The following RGL1 variants were observed in gnomAD, a reference collection of about 807,000 sequenced individuals.
RGL1 encodes ral guanine nucleotide dissociation stimulator-like 1.
A neutral mutation model predicts 95.2 loss-of-function variants in RGL1; 24 were observed. That is an observed-to-expected ratio of 0.25 (90% CI 0.18 to 0.35). RGL1 has a LOEUF of 0.35. Among genes scored for constraint, RGL1 ranks in the 10% least tolerant of loss-of-function variants. The pLI is 1.00. For missense variants in RGL1, 715 were observed against 936.3 expected (o/e 0.76, Z 3.08); for synonymous variants, 329 against 344.9 (o/e 0.95, Z 0.51).
intron 3 of RGL1, among the ~76,000 whole-genome samples, chr1:183,859,712 C>T (rs1472287154): frequency 6.6e-6 from 1 of 152,152 alleles, no homozygotes; most frequent in Non-Finnish European, 1.5e-5. Flanking sequence ...ATGGAAAGCA[C>T]AGTATAGGGT....
chr1:183,766,094 A>T lies in RGL1; in HGVS notation c.132+23805A>T, dbSNP rs1050302215. On this transcript the variant is annotated intron_variant, in intron 2 of 18. Coordinates refer to the RGL1 transcript ENST00000304685. Reference sequence around the variant, plus strand: ...CTTAAAGTATAATAATAATAAAATTAAAAAAAAAAAAGAAAGTTAAACACC... The same window carrying T: ...CTTAAAGTATAATAATAATAAAATTTAAAAAAAAAAAGAAAGTTAAACACC... Among the ~76,000 whole-genome samples, 36 of 139,676 alleles carry T rather than the reference A, an allele frequency of 2.6e-4. 1 individual carries two copies. Among genetic ancestry groups the T allele is most frequent in the African/African-American group, 6.0e-4 (21 of 34,788 alleles). 91.6% of individuals were successfully genotyped at this position (139,676 alleles called of 152,430 possible).
At chr1:183,739,582 C>G (rs1572352320) in intron 1 of RGL1, among the ~76,000 whole-genome samples, 2 of 152,150 alleles carry the variant, frequency 1.3e-5, no homozygotes, top group East Asian at 3.8e-4. Flanking sequence ...AGTGGAAGCT[C>G]AAGATATATT....
Position 183,820,638 on chromosome 1 carries a change from A to G in RGL1, c.138+14153A>G, listed in dbSNP as rs149634231. On this transcript the variant is annotated intron_variant, in intron 2 of 17. Transcript: ENST00000360851. ...CTAGGCCTGTGCTGTTCAATATGGT[A>G]ACAACTAGCCATATGTGCCTATTGA... 1.2e-3 allele frequency among the ~76,000 whole-genome samples: 190 copies of G among 152,300 alleles called. 1 individual carries two copies. Among genetic ancestry groups the G allele is most frequent in the African/African-American group, 4.5e-3 (187 of 41,568 alleles).
At chr1:183,768,110 C>T (rs943118122) in intron 2 of RGL1, among the ~76,000 whole-genome samples, 4 of 151,806 alleles carry the variant, frequency 2.6e-5, no homozygotes, top group African/African-American at 7.3e-5. Context: ...TCTAAACTTC[C>T]GTCTTCTCTG....
intron 1 of RGL1, among the ~76,000 whole-genome samples, chr1:183,710,738 C>T (rs565615547): frequency 1.3e-5 from 2 of 152,086 alleles, no homozygotes; most frequent in Non-Finnish European, 2.9e-5. Flanking sequence ...ATGAGAACTC[C>T]CTCACTATCA....
chr1:183,880,733 C>T lies in RGL1; in HGVS notation c.543C>T (p.Gly181=). Residue 181 remains glycine, a synonymous_variant, in exon 5 of 18, where the codon GGC becomes GGT. Transcript: ENST00000360851. ...ATTATCTCACACGGATGATGCCGGGCTCTGACCCAGAAAGAAGAGCACAAA... is the reference window on the plus strand; with the variant it reads ...ATTATCTCACACGGATGATGCCGGGTTCTGACCCAGAAAGAAGAGCACAAA... ...LLDYLTRMMP[G]SDPERRAQNL... is the part of the protein sequence containing the mutation. The T allele has an allele frequency of 6.2e-7, 1 of 1,613,936 alleles. No individual in the cohort carries two copies. The highest frequency in any genetic ancestry group is 8.5e-7 in the Non-Finnish European group (1 of 1,179,844).
intron 3 of RGL1, among the ~76,000 whole-genome samples, chr1:183,851,158 A>T (rs977715142): frequency 6.6e-6 from 1 of 152,228 alleles, no homozygotes; most frequent in Non-Finnish European, 1.5e-5. Flanking sequence ...GTCATGTACG[A>T]TATAACTGGA....
chr1:183,706,795 C>T (rs1481714882), intron 1 of RGL1, among the ~76,000 whole-genome samples: 2 of 152,152 alleles, frequency 1.3e-5, no homozygotes, highest in Non-Finnish European at 2.9e-5. Flanking sequence ...TTTCTCATCA[C>T]GATTGTTAAG....
At chr1:183,823,728 C>T (rs889266716) in intron 2 of RGL1, among the ~76,000 whole-genome samples, 1 of 152,166 alleles carries the variant, frequency 6.6e-6, no homozygotes, top group African/African-American at 2.4e-5. Flanking sequence ...AATATCATGT[C>T]TGTAGCATTC....
intron 2 of RGL1, among the ~76,000 whole-genome samples, chr1:183,843,986 G>A (rs1474987047): frequency 2.0e-5 from 3 of 152,042 alleles, no homozygotes; most frequent in Non-Finnish European, 4.4e-5. Flanking sequence ...CACATTACAC[G>A]TGGCTGATTT....
At chr1:183,905,020 A>C in intron 13 of RGL1, 49 bp downstream of exon 13, 1 of 1,584,294 alleles carries the variant, frequency 6.3e-7, no homozygotes, top group Non-Finnish European at 8.6e-7. Context: ...GTTGGCAAGA[A>C]AAATGCTGCA....
chr1:183,704,990 T>C (rs775710816), intron 1 of RGL1, among the ~76,000 whole-genome samples: 32 of 152,082 alleles, frequency 2.1e-4, no homozygotes, highest in Admixed American at 1.0e-3. Context: ...ACATCATTCA[T>C]TGGTGTAGAA....
intron 5 of RGL1, 76 bp from the exon 6 acceptor site, chr1:183,883,710 A>G (rs1666950288): frequency 1.3e-6 from 2 of 1,535,240 alleles, no homozygotes; most frequent in Admixed American, 1.8e-5. Flanking sequence ...CTAAACAAGG[A>G]GTAAAGTCTG....
intron 1 of RGL1, chr1:183,647,844 G>T (rs1449241138): frequency 1.9e-6 from 3 of 1,614,002 alleles, no homozygotes; most frequent in African/African-American, 1.3e-5. Context: ...GATATTCCTG[G>T]GTTTATTTGG....
intron 2 of RGL1, among the ~76,000 whole-genome samples, chr1:183,842,454 A>G (rs988661617): frequency 1.3e-5 from 2 of 152,026 alleles, no homozygotes; most frequent in African/African-American, 4.8e-5. Context: ...CATCTCTCAC[A>G]TGCCCTTTTT....
At chr1:183,738,427 AAAAGAAAGAAAAAG>A (rs1657080309) in intron 1 of RGL1, among the ~76,000 whole-genome samples, 1 of 152,128 alleles carries the variant, frequency 6.6e-6, no homozygotes, top group African/African-American at 2.4e-5. Flanking sequence ...TCTAAAAAAA[AAAAGAAAGAAAAAG>A]AAAGAAGTCA....
intron 2 of RGL1, among the ~76,000 whole-genome samples, chr1:183,822,297 A>T (rs1013536354): frequency 6.6e-6 from 1 of 152,196 alleles, no homozygotes; most frequent in East Asian, 1.9e-4. Context: ...TTTAAAAATT[A>T]TACCTTAGAC....
intron 2 of RGL1, among the ~76,000 whole-genome samples, chr1:183,780,715 C>T (rs373781145): frequency 2.6e-5 from 4 of 152,172 alleles, no homozygotes; most frequent in Non-Finnish European, 4.4e-5. Flanking sequence ...ATACTTTCAG[C>T]GCGGTGGACT....
chr1:183,793,366 G>T (rs529982349), intron 2 of RGL1, among the ~76,000 whole-genome samples: 1 of 152,218 alleles, frequency 6.6e-6, no homozygotes, highest in East Asian at 1.9e-4. Context: ...TCTGGGCAAA[G>T]ATTTTATGGC....
Sources: gnomAD v4.1 joint callset for allele counts (sites outside exome capture counted in the v4.1 genomes callset) on GRCh38, gnomAD v4.1.1 for gene constraint, MANE v1.5 for transcripts, NCBI Gene and HGNC (gene_info 2026-07-23, HGNC 2026-07-21) for gene names.